FBXO15: variants seen among roughly 807,000 people sequenced by gnomAD.
FBXO15 encodes F-box protein 15, also known as F-box only protein 15.
A neutral mutation model predicts 49.5 loss-of-function variants in FBXO15; 30 were observed. That is an observed-to-expected ratio of 0.61 (90% CI 0.45 to 0.82). The LOEUF is 0.82. Ranked by LOEUF, FBXO15 falls within the 40% of genes least tolerant of loss-of-function variation. The pLI is 0.00. For synonymous variants in FBXO15, 250 were observed against 232.7 expected (o/e 1.07, Z -0.68); for missense variants, 591 against 631.5 (o/e 0.94, Z 0.69).
At chr18:74,080,358 C>G (rs1351694628) in intron 9 of FBXO15, among the ~76,000 whole-genome samples, 2 of 152,178 alleles carry the variant, frequency 1.3e-5, no homozygotes, top group Non-Finnish European at 2.9e-5. Flanking sequence ...CACATCTACC[C>G]TCCAGGCCCA....
chr18:74,107,979 C>T (rs938614579), intron 8 of FBXO15, among the ~76,000 whole-genome samples: 3 of 152,098 alleles, frequency 2.0e-5, no homozygotes, highest in Non-Finnish European at 4.4e-5. Flanking sequence ...GACTGAGAAG[C>T]GCCTGTGAAG....
At chr18:74,081,601 C>T (rs1599132834) in intron 9 of FBXO15, among the ~76,000 whole-genome samples, 1 of 152,184 alleles carries the variant, frequency 6.6e-6, no homozygotes, top group Admixed American at 6.5e-5. Flanking sequence ...TTCAGTTCCA[C>T]TCTCTTTCCA....
intron 9 of FBXO15, among the ~76,000 whole-genome samples, chr18:74,080,955 A>G (rs1318338182): frequency 6.6e-6 from 1 of 152,176 alleles, no homozygotes; most frequent in East Asian, 1.9e-4. Context: ...ATTTTATCTT[A>G]GTACCTACTT....
intron 3 of FBXO15, among the ~76,000 whole-genome samples, chr18:74,132,143 T>C (rs1978431478): frequency 6.6e-6 from 1 of 152,258 alleles, no homozygotes; most frequent in Admixed American, 6.5e-5. Context: ...ATTTCTAGAC[T>C]TTCCTATGTA....
At chr18:74,142,233 A>AT (rs1321184606) in intron 1 of FBXO15, among the ~76,000 whole-genome samples, 13 of 152,184 alleles carry the variant, frequency 8.5e-5, no homozygotes, top group Non-Finnish European at 4.4e-5. Context: ...TAATTGGGAC[A>AT]TTTTTGCAAT....
Position 74,120,234 on chromosome 18 carries a change from C to T in FBXO15, c.1138+3134G>A, listed in dbSNP as rs115205911. Among the ~76,000 whole-genome samples, 743 of 152,264 alleles carry T rather than the reference C, an allele frequency of 4.9e-3. 5 individuals are homozygous for T. The highest frequency in any genetic ancestry group is 0.017 in the African/African-American group (714 of 41,562). On this transcript the variant is annotated intron_variant, in intron 8 of 9. Transcript: ENST00000419743. ...ACTGATAAAACAGCAAAAAAGTACACAAATTCACTGTCAGAGTTGGAGATC... is the reference window on the plus strand; with the variant it reads ...ACTGATAAAACAGCAAAAAAGTACATAAATTCACTGTCAGAGTTGGAGATC...
Position 74,126,101 on chromosome 18 carries a change from T to G in FBXO15, c.786A>C (p.Arg262Ser). 2 of 1,613,322 alleles carry G rather than the reference T, an allele frequency of 1.2e-6. No individual in the cohort carries two copies. Among genetic ancestry groups the G allele is most frequent in the Non-Finnish European group, 8.5e-7 (1 of 1,179,616 alleles). Residue 262 changes from arginine to serine, a missense_variant and splice_region_variant, in exon 6 of 10, where the codon AGA becomes AGC. Physicochemically the swap from Arg to Ser is moderately radical, Grantham distance 110. Coordinates refer to ENST00000419743, the MANE Select transcript of FBXO15 (RefSeq NM_001142958.2). ...TTGCAATTAAAGAATGCCATCGGAG[T>G]CTTTGAACGTTATGCCAAGGAAAGG... ...TDWYKTPTKH[R>S]LRWHSLIAKY...
chr18:74,085,930 A>G (rs1016476296), intron 8 of FBXO15, among the ~76,000 whole-genome samples: 15 of 152,228 alleles, frequency 9.9e-5, no homozygotes, highest in Admixed American at 9.8e-4. Flanking sequence ...AAAATTGATT[A>G]GATTTCATCA....
Position 74,104,080 on chromosome 18 carries a change from G to A in FBXO15, c.1138+19288C>T, listed in dbSNP as rs960919329. On this transcript the variant is annotated intron_variant, in intron 8 of 9. Transcript: ENST00000419743. ...GCTACAGCAACGTGTTAGGAGATAG[G>A]TAATATAAAAATATGTAAACTGAGA... 2.0e-5 allele frequency among the ~76,000 whole-genome samples: 3 copies of A among 152,214 alleles called. No homozygotes were observed. In the South Asian group the frequency reaches 6.2e-4, roughly 32 times the overall value.
chr18:74,094,530 T>C (rs1913195595), intron 8 of FBXO15, among the ~76,000 whole-genome samples: 1 of 152,208 alleles, frequency 6.6e-6, no homozygotes, highest in Admixed American at 6.5e-5. Flanking sequence ...ATCCTGAGTA[T>C]TTCTTTTTAG....
intron 8 of FBXO15, among the ~76,000 whole-genome samples, chr18:74,105,245 ACTACAGTCTATGATTGC>A (rs1370102150): frequency 1.3e-5 from 2 of 152,200 alleles, no homozygotes. Context: ...CAGTAGAGTG[ACTACAGTCTATGATTGC>A]CTATTATATA....
chr18:74,112,848 T>C (rs1599162305), intron 8 of FBXO15, among the ~76,000 whole-genome samples: 2 of 152,252 alleles, frequency 1.3e-5, no homozygotes. Flanking sequence ...CTTTCATTTA[T>C]GGCTGTTAGT....
chr18:74,083,011 T>C (rs898926113), intron 8 of FBXO15, among the ~76,000 whole-genome samples: 2 of 152,216 alleles, frequency 1.3e-5, no homozygotes, highest in Non-Finnish European at 2.9e-5. Flanking sequence ...GTTCTCCAAC[T>C]TCAGTGTCAC....
chr18:74,125,656 T>C (rs1370905704), intron 6 of FBXO15, among the ~76,000 whole-genome samples: 2 of 152,010 alleles, frequency 1.3e-5, no homozygotes, highest in East Asian at 1.9e-4. Context: ...CGTGGACTGA[T>C]TGGAAGTGGG....
intron 8 of FBXO15, among the ~76,000 whole-genome samples, chr18:74,089,303 C>T (rs891832342): frequency 2.6e-5 from 4 of 152,144 alleles, no homozygotes; most frequent in Non-Finnish European, 5.9e-5. Flanking sequence ...CCTGAAACTT[C>T]GGTGAAGTTG....
At chr18:74,142,540 C>A (rs1979146252) in intron 1 of FBXO15, among the ~76,000 whole-genome samples, 1 of 152,146 alleles carries the variant, frequency 6.6e-6, no homozygotes, top group Non-Finnish European at 1.5e-5. Context: ...GAGGATCATT[C>A]CTTTTTCTGG....
chr18:74,119,829 G>T (rs887461692), intron 8 of FBXO15, among the ~76,000 whole-genome samples: 1 of 152,170 alleles, frequency 6.6e-6, no homozygotes, highest in African/African-American at 2.4e-5. Flanking sequence ...GACACACAGG[G>T]CTCTGTAACG....
At chr18:74,138,531 T>C (rs1452600032) in intron 2 of FBXO15, among the ~76,000 whole-genome samples, 1 of 152,126 alleles carries the variant, frequency 6.6e-6, no homozygotes, top group East Asian at 1.9e-4. Context: ...CCTCCAAGCT[T>C]GCTCCTGAGT....
rs146021951 is a variant in FBXO15, at chr18:74,073,842, C to T, written c.1264-112G>A. 1.9e-3 allele frequency: 2,511 copies of T among 1,327,946 alleles called. 36 individuals are homozygous for T. In the Admixed American group the frequency reaches 0.034, roughly 18 times the overall value. 82.3% of individuals were successfully genotyped at this position (1,327,946 alleles called of 1,614,324 possible). A position where few individuals can be genotyped will look rare whatever the true frequency, so the allele number is the denominator to read the frequency against. ...GAAATGCTGCGTGTGGCATCAAAAT[C>T]CAGAATACTATCATTGGTTTTTCAT... is the stretch of plus-strand genomic sequence containing the variant. On this transcript the variant is annotated intron_variant, in intron 9 of 9. Transcript: ENST00000419743.
Sources: gnomAD v4.1 joint callset for allele counts (sites outside exome capture counted in the v4.1 genomes callset) on GRCh38, gnomAD v4.1.1 for gene constraint, MANE v1.5 for transcripts, NCBI Gene and HGNC (gene_info 2026-07-23, HGNC 2026-07-21) for gene names.